Variants in SCLT1 observed in about 807,000 individuals in gnomAD.
The protein encoded by SCLT1 is sodium channel and clathrin linker 1.
A neutral mutation model predicts 112.8 loss-of-function variants in SCLT1; 78 were observed. The observed-to-expected ratio is 0.69, with a 90% CI of 0.58 to 0.83. The LOEUF (loss-of-function observed/expected upper bound fraction) is 0.83. Ranked by LOEUF, SCLT1 falls within the 40% of genes least tolerant of loss-of-function variation. SCLT1 has a pLI of 0.00. For missense variants in SCLT1, 747 were observed against 770.4 expected (o/e 0.97, Z 0.36); for synonymous variants, 257 against 254.7 (o/e 1.01, Z -0.09).
At chr4:128,888,644 T>C in intron 20 of SCLT1, 35 bp downstream of exon 20, 1 of 1,221,810 alleles carries the variant, frequency 8.2e-7, no homozygotes, top group Non-Finnish European at 1.2e-6. Flanking sequence ...ATCTTTGAAC[T>C]GTTTATTATC....
intron 18 of SCLT1, among the ~76,000 whole-genome samples, chr4:128,931,675 G>A (rs1375588159): frequency 1.3e-5 from 2 of 152,102 alleles, no homozygotes; most frequent in Non-Finnish European, 2.9e-5. Flanking sequence ...TGTTAGTCAG[G>A]ATGGTCTCGA....
intron 18 of SCLT1, among the ~76,000 whole-genome samples, chr4:128,913,262 AAG>A (rs1178270981): frequency 6.6e-6 from 1 of 152,220 alleles, no homozygotes; most frequent in Non-Finnish European, 1.5e-5. Flanking sequence ...GGGACAAATG[AAG>A]AGTTTGTTCT....
At chr4:128,942,966 G>A in intron 17 of SCLT1, 30 bp downstream of exon 17, 1 of 1,495,552 alleles carries the variant, frequency 6.7e-7, no homozygotes. Context: ...ATTTTCATAA[G>A]TACACATTTA....
chr4:129,004,229 T>C (rs111957487), intron 5 of SCLT1, among the ~76,000 whole-genome samples: 2,955 of 152,204 alleles, frequency 0.019, 85 homozygotes, highest in African/African-American at 0.062. Flanking sequence ...AAAATATCTA[T>C]GTATATCTAG....
intron 2 of SCLT1, among the ~76,000 whole-genome samples, chr4:129,060,115 C>T (rs553998431): frequency 6.6e-6 from 1 of 152,194 alleles, no homozygotes; most frequent in South Asian, 2.1e-4. Flanking sequence ...CAAGTCTCTC[C>T]TTGAAGGCCT....
At chr4:128,988,616 T>C (rs1287068807) in intron 9 of SCLT1, among the ~76,000 whole-genome samples, 1 of 151,692 alleles carries the variant, frequency 6.6e-6, no homozygotes. Flanking sequence ...AAAATGGCAG[T>C]AGTGAGTCCT....
chr4:128,931,890 C>T (rs1253198571), intron 18 of SCLT1, among the ~76,000 whole-genome samples: 4 of 151,754 alleles, frequency 2.6e-5, no homozygotes, highest in South Asian at 2.1e-4. Flanking sequence ...TATTTCTTAC[C>T]TTCAACTCTC....
chr4:128,933,962 G>A (rs1331400431), intron 18 of SCLT1, among the ~76,000 whole-genome samples: 1 of 151,834 alleles, frequency 6.6e-6, no homozygotes, highest in East Asian at 1.9e-4. Flanking sequence ...TAATTACTAT[G>A]TTTAATATCA....
At chr4:128,987,655 A>C (rs1742216809) in intron 9 of SCLT1, among the ~76,000 whole-genome samples, 1 of 150,398 alleles carries the variant, frequency 6.6e-6, no homozygotes, top group Non-Finnish European at 1.5e-5. Context: ...TCAGAGGTGA[A>C]AAAAAAGAAT....
intron 5 of SCLT1, among the ~76,000 whole-genome samples, chr4:129,022,670 C>T (rs540609278): frequency 9.9e-5 from 15 of 152,160 alleles, no homozygotes; most frequent in Non-Finnish European, 2.2e-4. Flanking sequence ...CTACGACTGA[C>T]TGGGGAACCT....
chr4:129,029,403 C>T (rs1045180293), intron 5 of SCLT1, among the ~76,000 whole-genome samples: 1 of 152,054 alleles, frequency 6.6e-6, no homozygotes, highest in Middle Eastern at 3.4e-3. Context: ...TGGAAACCAT[C>T]ATTCTCAGCA....
chr4:129,066,152 A>T (rs995329058), intron 2 of SCLT1, among the ~76,000 whole-genome samples: 19 of 152,086 alleles, frequency 1.2e-4, no homozygotes, highest in Admixed American at 4.6e-4. Flanking sequence ...ACAGCAGAAA[A>T]ACATATACAT....
intron 20 of SCLT1, among the ~76,000 whole-genome samples, chr4:128,886,245 G>A (rs1732886092): frequency 6.6e-6 from 1 of 152,176 alleles, no homozygotes; most frequent in Admixed American, 6.6e-5. Context: ...ATAACGTGTA[G>A]AGAAAGTTAA....
chr4:128,896,928 T>C (rs1225049180), intron 18 of SCLT1, among the ~76,000 whole-genome samples: 3 of 152,150 alleles, frequency 2.0e-5, no homozygotes, highest in Non-Finnish European at 2.9e-5. Context: ...GTATCAGTGA[T>C]GGAAGATCAA....
intron 16 of SCLT1, among the ~76,000 whole-genome samples, chr4:128,945,143 G>A (rs566441217): frequency 9.2e-5 from 14 of 152,168 alleles, no homozygotes; most frequent in African/African-American, 2.7e-4. Flanking sequence ...CTGTACACAC[G>A]CAAAATACTC....
Position 129,082,335 on chromosome 4 carries a change from C to T in SCLT1, c.73G>A (p.Glu25Lys). 2 of 1,590,520 alleles carry T rather than the reference C, an allele frequency of 1.3e-6. No individual in the cohort carries two copies. Among genetic ancestry groups the T allele is most frequent in the Middle Eastern group, 3.3e-4 (2 of 6,016 alleles). ...LNEDFRRYQM[E>K]SFSKYSSVQK... is the part of the protein sequence containing the mutation. ...ACAGATGAATATTTGGAAAAACTTT[C>T]CATTTGATACCGCCTAAAATCTTCA... Residue 25 changes from glutamate to lysine, a missense_variant, in exon 2 of 21, where the codon GAA becomes AAA. Transcript: ENST00000281142.
chr4:129,062,473 T>A (rs1301862793), intron 2 of SCLT1, among the ~76,000 whole-genome samples: 1 of 152,258 alleles, frequency 6.6e-6, no homozygotes, highest in Admixed American at 6.5e-5. Flanking sequence ...GACTATAAAC[T>A]TACTTTTATC....
chr4:128,873,938 C>G (rs1732387213), intron 5 of SCLT1: 1 of 152,568 alleles, frequency 6.6e-6, no homozygotes, highest in African/African-American at 2.4e-5. Context: ...TGATACATCC[C>G]CATTGTATGT....
At chr4:129,038,870 CT>C (rs1747421180) in intron 5 of SCLT1, among the ~76,000 whole-genome samples, 170 bp downstream of exon 5, 1 of 152,142 alleles carries the variant, frequency 6.6e-6, no homozygotes, top group African/African-American at 2.4e-5. Flanking sequence ...GGGAAGTAAC[CT>C]GTCCAGGGTC....
Sources: allele counts gnomAD v4.1 joint callset (sites outside exome capture counted in the v4.1 genomes callset), GRCh38; gene constraint gnomAD v4.1.1; transcripts MANE v1.5; gene names NCBI Gene and HGNC (gene_info 2026-07-23, HGNC 2026-07-21).